SORCS2: variants seen among roughly 807,000 people sequenced by gnomAD.
SORCS2 encodes the protein sortilin related VPS10 domain containing receptor 2, also known as VPS10 domain-containing receptor SorCS2.
Under a neutral mutation model 141.6 loss-of-function variants are expected in SORCS2, and 100 were observed. The ratio of observed to expected loss-of-function variants is 0.71; its 90% CI spans 0.60 to 0.83. SORCS2 has a LOEUF of 0.83. SORCS2 is among the 40% of genes least tolerant of loss of function. The pLI is 0.00. For missense variants in SORCS2, 1,646 were observed against 1,560.2 expected (o/e 1.05, Z -0.93); for synonymous variants, 789 against 676.9 (o/e 1.17, Z -2.57).
intron 3 of SORCS2, among the ~76,000 whole-genome samples, chr4:7,590,755 T>C (rs1159086144): frequency 1.3e-5 from 2 of 152,202 alleles, no homozygotes; most frequent in African/African-American, 4.8e-5. Context: ...TGTGAGCCAC[T>C]GCGCCGGCTA....
intron 4 of SORCS2, among the ~76,000 whole-genome samples, chr4:7,649,584 G>A (rs111709523): frequency 0.011 from 1,685 of 152,180 alleles, 25 homozygotes; most frequent in African/African-American, 0.038. Flanking sequence ...GAAGCGTGGT[G>A]ACTTATTAGA....
chr4:7,637,696 CATGAATGAATGAATGAGTGA>C (rs896243381), intron 3 of SORCS2, among the ~76,000 whole-genome samples: 2 of 152,004 alleles, frequency 1.3e-5, no homozygotes, highest in Non-Finnish European at 2.9e-5. Context: ...CCCAGGCACT[CATGAATGAATGAATGAGTGA>C]ATGAATGAAT....
In SORCS2 at chr4:7,740,424, G is replaced by T; in HGVS notation, c.*160G>T. ...CACCCCCTCTGATAAATCCAAGCCC[G>T]CCCAGGCCCACGGGGGGCCCACGGG... On this transcript the variant is annotated 3_prime_UTR_variant, in exon 27 of 27. Transcript: ENST00000507866. 4.5e-6 allele frequency: 3 copies of T among 661,762 alleles called. No individual in the cohort carries two copies. Among genetic ancestry groups the T allele is most frequent in the African/African-American group, 1.8e-5 (1 of 55,318 alleles). 41.0% of individuals were successfully genotyped at this position (661,762 alleles called of 1,614,324 possible). A position where few individuals can be genotyped will look rare whatever the true frequency, so the allele number is the denominator to read the frequency against.
intron 3 of SORCS2, among the ~76,000 whole-genome samples, chr4:7,589,009 CAG>C (rs1323519296): frequency 5.3e-5 from 8 of 152,262 alleles, no homozygotes; most frequent in Admixed American, 3.9e-4. Context: ...ACAGCATGTG[CAG>C]AGACACAGCA....
intron 1 of SORCS2, among the ~76,000 whole-genome samples, chr4:7,336,148 A>C (rs974882139): frequency 6.6e-6 from 1 of 152,294 alleles, no homozygotes; most frequent in East Asian, 1.9e-4. Context: ...GGAAGGAAGG[A>C]GGGCACTGAT....
intron 3 of SORCS2, among the ~76,000 whole-genome samples, chr4:7,540,344 C>G (rs1313633765): frequency 6.6e-6 from 1 of 152,038 alleles, no homozygotes; most frequent in Non-Finnish European, 1.5e-5. Flanking sequence ...CTGAGATTAG[C>G]CCGGGTCCCG....
chr4:7,215,480 A>G (rs1577285021), intron 1 of SORCS2, among the ~76,000 whole-genome samples: 3 of 152,192 alleles, frequency 2.0e-5, no homozygotes, highest in African/African-American at 7.2e-5. Flanking sequence ...CACGGCTCCC[A>G]GTCCCATCGA....
At chr4:7,559,073 GA>G (rs1355886850) in intron 3 of SORCS2, among the ~76,000 whole-genome samples, 1 of 152,166 alleles carries the variant, frequency 6.6e-6, no homozygotes, top group Non-Finnish European at 1.5e-5. Context: ...GTTGGGGGAT[GA>G]GTCCCCAGTA....
chr4:7,493,008 T>C (rs1182151503), intron 2 of SORCS2, among the ~76,000 whole-genome samples: 2 of 152,238 alleles, frequency 1.3e-5, no homozygotes, highest in South Asian at 4.1e-4. Flanking sequence ...ATGATGCTCC[T>C]CAGCAGCAGC....
At chr4:7,591,786 G>A (rs765781135) in intron 3 of SORCS2, among the ~76,000 whole-genome samples, 32 of 151,798 alleles carry the variant, frequency 2.1e-4, no homozygotes, top group African/African-American at 7.5e-4. Context: ...CTCTGACCCC[G>A]GCGGGCCTGT....
intron 3 of SORCS2, among the ~76,000 whole-genome samples, chr4:7,547,972 A>G (rs973898309): frequency 9.2e-5 from 14 of 152,366 alleles, no homozygotes; most frequent in Admixed American, 7.8e-4. Flanking sequence ...ACTGCAGGCC[A>G]ACATCTGTGG....
intron 2 of SORCS2, among the ~76,000 whole-genome samples, chr4:7,447,182 A>G (rs893257515): frequency 3.3e-5 from 5 of 152,194 alleles, no homozygotes; most frequent in Admixed American, 6.5e-5. Context: ...CTGTGAAAGC[A>G]GTTGCATCCT....
chr4:7,505,127 C>T (rs965015289), intron 2 of SORCS2, among the ~76,000 whole-genome samples: 1 of 152,142 alleles, frequency 6.6e-6, no homozygotes, highest in African/African-American at 2.4e-5. Flanking sequence ...TAAGAAAGCC[C>T]GATATCATGG....
intron 9 of SORCS2, among the ~76,000 whole-genome samples, chr4:7,680,241 T>C (rs897275605): frequency 1.3e-5 from 2 of 152,206 alleles, no homozygotes; most frequent in African/African-American, 4.8e-5. Context: ...GCAGCCAATC[T>C]ATAGGCAACA....
chr4:7,318,936 C>T (rs1482701654), intron 1 of SORCS2, among the ~76,000 whole-genome samples: 1 of 152,184 alleles, frequency 6.6e-6, no homozygotes, highest in African/African-American at 2.4e-5. Flanking sequence ...TGGTTTTGGT[C>T]TGTATAGTTT....
chr4:7,407,298 C>A (rs1356936562), intron 2 of SORCS2, among the ~76,000 whole-genome samples: 2 of 152,050 alleles, frequency 1.3e-5, no homozygotes, highest in African/African-American at 4.8e-5. Context: ...CCTGCTGTTA[C>A]TGTATTTCAG....
chr4:7,512,911 C>T (rs1281996880), intron 2 of SORCS2, among the ~76,000 whole-genome samples: 7 of 152,194 alleles, frequency 4.6e-5, no homozygotes, highest in Non-Finnish European at 1.0e-4. Context: ...GGCCTTGGAG[C>T]CGTATTTCTT....
intron 1 of SORCS2, among the ~76,000 whole-genome samples, chr4:7,368,513 C>G (rs893744876): frequency 3.3e-5 from 5 of 152,162 alleles, no homozygotes; most frequent in African/African-American, 1.2e-4. Context: ...GCCAGCGCAC[C>G]CCATCACCAT....
chr4:7,381,177 T>C (rs1321197401), intron 1 of SORCS2, among the ~76,000 whole-genome samples: 2 of 152,096 alleles, frequency 1.3e-5, no homozygotes, highest in Non-Finnish European at 2.9e-5. Context: ...TTGAAGATAG[T>C]CCCTGAATGA....
Sources: allele counts gnomAD v4.1 joint callset (sites outside exome capture counted in the v4.1 genomes callset), GRCh38; gene constraint gnomAD v4.1.1; transcripts MANE v1.5; gene names NCBI Gene and HGNC (gene_info 2026-07-23, HGNC 2026-07-21).